The following NELL2 variants were observed in gnomAD, a reference collection of about 807,000 sequenced individuals.
NELL2 encodes the protein protein kinase C-binding protein NELL2.
In NELL2, 41 loss-of-function variants were observed where a neutral mutation model predicts 109.6. The ratio of observed to expected loss-of-function variants is 0.37; its 90% CI spans 0.29 to 0.49. NELL2 has a LOEUF of 0.49. NELL2 is among the 20% of genes least tolerant of loss of function. NELL2 has a pLI of 0.98. For synonymous variants in NELL2, 355 were observed against 344.7 expected (o/e 1.03, Z -0.33); for missense variants, 900 against 1,008.3 (o/e 0.89, Z 1.45).
intron 1 of NELL2, chr12:44,913,700 A>G (rs914187693): frequency 1.0e-5 from 5 of 491,354 alleles, no homozygotes; most frequent in African/African-American, 6.2e-5. Flanking sequence ...CATCAAAACC[A>G]CAGCTGTTTG....
chr12:44,885,352 T>C (rs1339418509), intron 1 of NELL2, among the ~76,000 whole-genome samples: 2 of 151,908 alleles, frequency 1.3e-5, no homozygotes, highest in Admixed American at 1.3e-4. Flanking sequence ...AATAAATGTT[T>C]TCCCTAAATG....
intron 12 of NELL2, among the ~76,000 whole-genome samples, chr12:44,680,174 G>C (rs117024043): frequency 6.6e-6 from 1 of 152,034 alleles, no homozygotes; most frequent in Admixed American, 6.6e-5. Flanking sequence ...AGAGTTGCTC[G>C]ATTAACCTGA....
intron 12 of NELL2, among the ~76,000 whole-genome samples, chr12:44,666,844 C>G (rs1438230512): frequency 6.6e-6 from 1 of 152,162 alleles, no homozygotes; most frequent in African/African-American, 2.4e-5. Flanking sequence ...ACTCCCTTCT[C>G]CCCTCTCAGT....
At chr12:44,683,631 G>A (rs1097975) in intron 12 of NELL2, among the ~76,000 whole-genome samples, 2 of 151,422 alleles carry the variant, frequency 1.3e-5, no homozygotes, top group African/African-American at 2.4e-5. Flanking sequence ...TAGCATGAAG[G>A]GTTGCTGAAT....
chr12:44,800,661 A>G (rs904364374), intron 3 of NELL2, among the ~76,000 whole-genome samples: 1 of 152,120 alleles, frequency 6.6e-6, no homozygotes, highest in African/African-American at 2.4e-5. Context: ...TTGGCTTCCA[A>G]CCTTTCTCTT....
intron 9 of NELL2, among the ~76,000 whole-genome samples, chr12:44,758,811 T>A (rs1415736755): frequency 6.6e-6 from 1 of 152,202 alleles, no homozygotes; most frequent in Non-Finnish European, 1.5e-5. Flanking sequence ...TGACTGAAAT[T>A]CAAAGGGTTA....
chr12:44,714,823 C>T (rs1938401513), intron 9 of NELL2, 82 bp from the exon 10 acceptor site: 6 of 818,444 alleles, frequency 7.3e-6, no homozygotes, highest in Middle Eastern at 2.7e-4. Flanking sequence ...TAACAGCATT[C>T]CACATGTTAT....
chr12:44,620,110 G>A (rs866312814), intron 13 of NELL2, among the ~76,000 whole-genome samples: 40 of 144,252 alleles, frequency 2.8e-4, no homozygotes, highest in African/African-American at 9.7e-4. Flanking sequence ...ATTCTTGTTC[G>A]CCTGGGTTTT....
chr12:44,653,465 A>G (rs184236625), intron 13 of NELL2, among the ~76,000 whole-genome samples: 1 of 152,266 alleles, frequency 6.6e-6, no homozygotes, highest in Non-Finnish European at 1.5e-5. Flanking sequence ...ATTTGGACAA[A>G]CTAAAGAGAT....
At position 44,776,002 on chromosome 12, in the gene NELL2, A is replaced by C; in HGVS notation, c.891+20T>G. 6.2e-7 allele frequency: 1 copy of C among 1,608,262 alleles called. No individual in the cohort carries two copies. The highest frequency in any genetic ancestry group is 8.5e-7 in the Non-Finnish European group (1 of 1,178,310). Reference sequence around the variant, plus strand: ...GGAGCATCTGAGTTCCCTTAGTCTCAACTCAAATAGAAGCCATACCAGGCA... The same window carrying C: ...GGAGCATCTGAGTTCCCTTAGTCTCCACTCAAATAGAAGCCATACCAGGCA... On this transcript the variant is annotated intron_variant, in intron 8 of 19. Transcript: ENST00000429094.
At chr12:44,565,991 T>C (rs1223301678) in intron 15 of NELL2, among the ~76,000 whole-genome samples, 1 of 152,108 alleles carries the variant, frequency 6.6e-6, no homozygotes, top group Non-Finnish European at 1.5e-5. Flanking sequence ...ATTACTCTAG[T>C]GTCAGTTTGG....
At chr12:44,610,451 G>A (rs2136251023) in intron 14 of NELL2, among the ~76,000 whole-genome samples, 1 of 152,150 alleles carries the variant, frequency 6.6e-6, no homozygotes. Flanking sequence ...AAAAGGTGTA[G>A]AAAGAACAGA....
chr12:44,892,797 C>CAAAAAAAAAA, intron 1 of NELL2, among the ~76,000 whole-genome samples: 1 of 57,768 alleles, frequency 1.7e-5, no homozygotes, highest in Non-Finnish European at 3.5e-5. Context: ...GACTCTGTCT[C>CAAAAAAAAAA]AAAAAAAAAA....
At chr12:44,824,860 G>A (rs1167539430) in intron 2 of NELL2, among the ~76,000 whole-genome samples, 11 of 151,598 alleles carry the variant, frequency 7.3e-5, no homozygotes, top group African/African-American at 1.9e-4. Flanking sequence ...ACAGGCACCC[G>A]CCACAACGCC....
chr12:44,848,935 C>A (rs539790209), intron 2 of NELL2, among the ~76,000 whole-genome samples: 1 of 152,272 alleles, frequency 6.6e-6, no homozygotes, highest in African/African-American at 2.4e-5. Context: ...ACCCACTGAC[C>A]TCAGTACCCC....
chr12:44,520,019 G>C lies in NELL2; in HGVS notation c.2386C>G (p.Leu796Val). The change falls in exon 19 of 20, where the codon CTC becomes GTC. Residue 796 changes from leucine (L) to valine (V), a missense_variant. Physicochemically the swap from Leu to Val is conservative, Grantham distance 32 (BLOSUM62 1). Coordinates refer to ENST00000429094, the MANE Select transcript of NELL2 (RefSeq NM_001145108.2). ...SWIKHGTECT[L>V]CQCKNGHICC... ...ATGGAGTTTACCTTGCACTGGCAGA[G>C]AGTACACTCAGTGCCATGTTTGATC... The C allele has an allele frequency of 6.2e-7, 1 of 1,614,046 alleles. No homozygotes were observed. The highest frequency in any genetic ancestry group is 8.5e-7 in the Non-Finnish European group (1 of 1,179,930).
intron 13 of NELL2, among the ~76,000 whole-genome samples, chr12:44,632,373 T>A (rs1174762406): frequency 1.3e-5 from 2 of 151,892 alleles, no homozygotes; most frequent in African/African-American, 2.4e-5. Context: ...TAAAAATAAA[T>A]AAATGCATAC....
chr12:44,587,933 C>T (rs542684064), intron 15 of NELL2, among the ~76,000 whole-genome samples: 11 of 152,128 alleles, frequency 7.2e-5, no homozygotes, highest in South Asian at 2.1e-4. Context: ...GGGCGGATCA[C>T]GAGGTCAGGA....
In NELL2 at chr12:44,684,421, GTT is replaced by G. The variant is rs557602568; in HGVS notation, c.1319-18814_1319-18813del. On this transcript the variant is annotated intron_variant, in intron 12 of 19. Coordinates refer to ENST00000429094, the MANE Select transcript of NELL2 (RefSeq NM_001145108.2). The stretch of plus-strand genomic sequence containing the variant: ...GTTTTTTGTGTCTCTATTTCCTTCA[GTT>G]CTGCTCTGATTTTAGTTATTTCTTG... Among the ~76,000 whole-genome samples, 407 of 152,140 alleles carry G rather than the reference GTT, an allele frequency of 2.7e-3. 1 individual carries two copies. The highest frequency in any genetic ancestry group is 9.4e-3 in the African/African-American group (391 of 41,524).
Sources: gnomAD v4.1 joint callset for allele counts (sites outside exome capture counted in the v4.1 genomes callset) on GRCh38, gnomAD v4.1.1 for gene constraint, MANE v1.5 for transcripts, NCBI Gene and HGNC (gene_info 2026-07-23, HGNC 2026-07-21) for gene names.